The following HUWE1 variants were observed in gnomAD, a reference collection of about 807,000 sequenced individuals.
HUWE1 encodes the protein HECT, UBA and WWE domain containing E3 ubiquitin protein ligase 1.
HUWE1 carries 18 observed loss-of-function variants against 299.4 expected under a neutral mutation model. The ratio of observed to expected loss-of-function variants is 0.06; its 90% CI spans 0.04 to 0.09. The LOEUF (loss-of-function observed/expected upper bound fraction) is 0.09. Among genes scored for constraint, HUWE1 ranks in the 10% least tolerant of loss-of-function variants. The pLI, the probability that HUWE1 is intolerant of heterozygous loss-of-function variation, is 1.00. For missense variants in HUWE1, 1,832 were observed against 3,462.3 expected (o/e 0.53, Z 11.82); for synonymous variants, 1,317 against 1,286.1 (o/e 1.02, Z -0.51).
intron 25 of HUWE1, among the ~76,000 whole-genome samples, chrX:53,605,362 T>C (rs1298462504): frequency 7.1e-5 from 8 of 112,480 alleles, no homozygotes; most frequent in African/African-American, 9.7e-5. Flanking sequence ...CATGCAAAGA[T>C]AGGAGAAATC....
At position 53,584,170 on chromosome X, in the gene HUWE1, C is replaced by G. The variant is rs2063754343; in HGVS notation, c.5161+16G>C. ...AAAGGCACATTAGCTTTAGGTAAAA[C>G]ACTCTTGGTACATACCATTGCCTTT... is the stretch of plus-strand genomic sequence containing the variant. On this transcript the variant is annotated intron_variant, in intron 41 of 83. Transcript: ENST00000262854. The G allele has an allele frequency of 8.3e-7, 1 of 1,200,651 alleles. No individual in the cohort carries two copies. Among genetic ancestry groups the G allele is most frequent in the South Asian group, 1.8e-5 (1 of 56,599 alleles).
At chrX:53,540,600 T>C (rs1243030376) in intron 74 of HUWE1, among the ~76,000 whole-genome samples, 2 of 112,579 alleles carry the variant, frequency 1.8e-5, no homozygotes, top group African/African-American at 6.5e-5. Context: ...GTGCTGGGAT[T>C]AGAGGCGTGA....
At chrX:53,556,169 C>A (rs1418049854) in intron 60 of HUWE1, 2 of 340,833 alleles carry the variant, frequency 5.9e-6, no homozygotes, top group Non-Finnish European at 1.2e-5. Context: ...TCCAAATTAT[C>A]CAAGGAACAT....
Position 53,548,953 on chromosome X carries a change from C to A in HUWE1, c.10035+6G>T. 1 of 1,188,592 alleles carries A rather than the reference C, an allele frequency of 8.4e-7. No homozygotes were observed. Among genetic ancestry groups the A allele is most frequent in the Non-Finnish European group, 1.1e-6 (1 of 883,089 alleles). ...CATCCCCAGGAGTTGGGTTTGAAAC[C>A]CTCACCTTGGCCAATTGAATGAGTG... On this transcript the variant is annotated splice_donor_region_variant and intron_variant, in intron 67 of 83. Transcript: ENST00000262854.
chrX:53,588,655 G>A, intron 36 of HUWE1, 121 bp from the exon 37 acceptor site: 1 of 679,182 alleles, frequency 1.5e-6, no homozygotes, highest in Non-Finnish European at 2.2e-6. Context: ...AGAAAGGTAG[G>A]TAAATCTAAC....
intron 49 of HUWE1, among the ~76,000 whole-genome samples, chrX:53,567,104 A>C (rs2062613533): frequency 8.9e-6 from 1 of 111,823 alleles, no homozygotes; most frequent in Non-Finnish European, 1.9e-5. Context: ...AACTGTACCC[A>C]TATAAAGGAA....
intron 3 of HUWE1, among the ~76,000 whole-genome samples, chrX:53,654,525 C>T (rs1430453270): frequency 9.0e-6 from 1 of 111,612 alleles, no homozygotes. Flanking sequence ...CAAAGAAAGT[C>T]GTAAAGATGT....
In HUWE1 at chrX:53,575,200, C is replaced by A; in HGVS notation, c.6052G>T (p.Gly2018Cys). ...SINSQVFAAD[G>C]ASTETSASGT... ...GATGCGGAAGTCTCAGTGGAGGCAC[C>A]ATCTGCAGCAAAGACCTGACTCTGA... is the stretch of plus-strand genomic sequence containing the variant. The change falls in exon 46 of 84, where the codon GGT (glycine) becomes TGT (cysteine). Residue 2018 changes from glycine to cysteine, a missense_variant. Coordinates refer to ENST00000262854, the MANE Select transcript of HUWE1 (RefSeq NM_031407.7). 1 of 1,204,757 alleles carries A rather than the reference C, an allele frequency of 8.3e-7. No individual in the cohort carries two copies. Among genetic ancestry groups the A allele is most frequent in the Non-Finnish European group, 1.1e-6 (1 of 889,904 alleles).
rs782293699 is a variant in HUWE1, at chrX:53,686,074, A to ATG, written c.-163+194_-163+195dup. Among the ~76,000 whole-genome samples the ATG allele has an allele frequency of 4.1e-4, 46 of 111,795 alleles. No homozygotes were observed. In the South Asian group the frequency reaches 5.5e-3, roughly 13 times the overall value. Reference sequence around the variant, plus strand: ...TTAAACAAGCAGTTAGTCGAAATGAATGTGTGTGTGTGTGTAGTACCATTT... The same window carrying ATG: ...TTAAACAAGCAGTTAGTCGAAATGAATGTGTGTGTGTGTGTGTAGTACCATTT... On this transcript the variant is annotated intron_variant, in intron 2 of 83. Coordinates refer to ENST00000262854, the MANE Select transcript of HUWE1 (RefSeq NM_031407.7).
At position 53,648,198 on chromosome X, in the gene HUWE1, T is replaced by C. The variant is rs1557037407; in HGVS notation, c.144+14A>G. 2 of 1,113,200 alleles carry C rather than the reference T, an allele frequency of 1.8e-6. No individual in the cohort carries two copies. Among genetic ancestry groups the C allele is most frequent in the East Asian group, 3.0e-5 (1 of 33,487 alleles). The allele number at this position is 1,113,200 out of a possible 1,213,427, so 91.7% of individuals were successfully genotyped here. On this transcript the variant is annotated intron_variant, in intron 5 of 83. Coordinates refer to ENST00000262854, the MANE Select transcript of HUWE1 (RefSeq NM_031407.7). ...ATGGTGAGTCCTGTCTTTTGGGAGC[T>C]TGACTTCACATACCTTTCCAATGTT...
At position 53,625,148 on chromosome X, in the gene HUWE1, A is replaced by C; in HGVS notation, c.1591+9T>G. ...TATCCTCCAAAAAAAGTTATCTGGA[A>C]TCAAATACCATGTCGTATGCCATCT... On this transcript the variant is annotated intron_variant, in intron 18 of 83. Transcript: ENST00000262854. 2.7e-6 allele frequency: 3 copies of C among 1,110,787 alleles called. No individual in the cohort carries two copies. The highest frequency in any genetic ancestry group is 3.7e-6 in the Non-Finnish European group (3 of 803,413). 91.5% of individuals were successfully genotyped at this position (1,110,787 alleles called of 1,213,427 possible).
chrX:53,631,631 CAA>C lies in HUWE1; in HGVS notation c.646-19_646-18del. ...ACTAGTTGTCTAAAATTAAAAAAGA[CAA>C]GAGAGCTGTAAGGAGTCACTGAACA... is the stretch of plus-strand genomic sequence containing the variant. On this transcript the variant is annotated intron_variant, in intron 9 of 83. Transcript: ENST00000262854. The C allele has an allele frequency of 8.7e-7, 1 of 1,147,006 alleles. No homozygotes were observed. Among genetic ancestry groups the C allele is most frequent in the South Asian group, 1.8e-5 (1 of 55,368 alleles). The allele number at this position is 1,147,006 out of a possible 1,213,427, so 94.5% of individuals were successfully genotyped here. A position where few individuals can be genotyped will look rare whatever the true frequency, so the allele number is the denominator to read the frequency against.
rs57187405 is a variant in HUWE1 at position 53,542,845 on chromosome X, T to TTGTGTGTG, written c.11380-314_11380-307dup. On this transcript the variant is annotated intron_variant, in intron 73 of 83. Coordinates refer to ENST00000262854, the MANE Select transcript of HUWE1 (RefSeq NM_031407.7). ...TATATAGACTTCAAGTCTTCTTCTG[T>TTGTGTGTG]TGTGTGTGTGTGTGTGTGTGTGTGT... 1,341 of 163,930 alleles carry TTGTGTGTG rather than the reference T, an allele frequency of 8.2e-3. 11 individuals carry two copies. Among genetic ancestry groups the TTGTGTGTG allele is most frequent in the East Asian group, 0.015 (94 of 6,200 alleles). The allele number at this position is 163,930 out of a possible 1,213,427, so 13.5% of individuals were successfully genotyped here.
Position 53,594,734 on chromosome X carries a change from C to T in HUWE1, c.3381-113G>A. On this transcript the variant is annotated intron_variant, in intron 30 of 83. Transcript: ENST00000262854. ...ATTTACACACTGAAGTGACACCTCC[C>T]ACCTACTAAAGAATACAGGATGAGT... The T allele has an allele frequency of 5.4e-6, 4 of 738,429 alleles. 1 individual carries two copies. The South Asian group carries it at 9.2e-5, about 17-fold the overall frequency. 60.9% of individuals were successfully genotyped at this position (738,429 alleles called of 1,213,427 possible). A position where few individuals can be genotyped will look rare whatever the true frequency, so the allele number is the denominator to read the frequency against.
chrX:53,587,285 T>C (rs1556974161), intron 37 of HUWE1, among the ~76,000 whole-genome samples: 1 of 112,475 alleles, frequency 8.9e-6, no homozygotes, highest in East Asian at 2.8e-4. Context: ...AGAAATTTTA[T>C]AATCTTTCAA....
chrX:53,541,462 C>T (rs376296762), intron 74 of HUWE1, among the ~76,000 whole-genome samples: 32 of 111,363 alleles, frequency 2.9e-4, no homozygotes, highest in Middle Eastern at 4.6e-3. Context: ...GGCATGGTGG[C>T]AGGCGCCTGT....
At position 53,647,572 on chromosome X, in the gene HUWE1, G is replaced by A. The variant is rs149435515; in HGVS notation, c.147C>T (p.Cys49=). ...ACAGGTCCACCCAGTGATATAACTC[G>A]CACTGGAGAGGGGAGGAAAAAGAGG... ...QQIKTWNIGK[C]ELYHWVDLLD... is the part of the protein sequence containing the mutation. The change falls in exon 6 of 84, where the codon TGC becomes TGT. Residue 49 remains cysteine (C), a splice_region_variant and synonymous_variant. Transcript: ENST00000262854. 165 of 1,180,626 alleles carry A rather than the reference G, an allele frequency of 1.4e-4. No individual in the cohort carries two copies. Among genetic ancestry groups the A allele is most frequent in the Non-Finnish European group, 1.8e-4 (156 of 868,403 alleles).
intron 28 of HUWE1, among the ~76,000 whole-genome samples, chrX:53,601,461 G>A (rs782427815): frequency 6.7e-4 from 74 of 110,744 alleles, no homozygotes; most frequent in Non-Finnish European, 1.1e-3. Flanking sequence ...TGGGATTAGA[G>A]ACGTGAGCCA....
At chrX:53,535,282 G>A in intron 81 of HUWE1, 102 bp downstream of exon 81, 4 of 584,114 alleles carry the variant, frequency 6.8e-6, no homozygotes, top group Non-Finnish European at 1.2e-5. Flanking sequence ...AGGCATTTGT[G>A]GCTCTGTCAT....
Sources: allele counts gnomAD v4.1 joint callset (sites outside exome capture counted in the v4.1 genomes callset), GRCh38; gene constraint gnomAD v4.1.1; transcripts MANE v1.5; gene names NCBI Gene and HGNC (gene_info 2026-07-23, HGNC 2026-07-21).